LAMP3: variants seen among roughly 807,000 people sequenced by gnomAD.
LAMP3 encodes the protein lysosome-associated membrane glycoprotein 3.
Under a neutral mutation model 34.8 loss-of-function variants are expected in LAMP3, and 26 were observed. The observed-to-expected ratio is 0.75, with a 90% CI of 0.55 to 1.04. The LOEUF is 1.04. Ranked by LOEUF, LAMP3 falls within the 50% of genes least tolerant of loss-of-function variation. LAMP3 has a pLI of 0.00. For synonymous variants in LAMP3, 180 were observed against 201.9 expected (o/e 0.89, Z 0.92); for missense variants, 495 against 524.0 (o/e 0.94, Z 0.54).
intron 5 of LAMP3, among the ~76,000 whole-genome samples, chr3:183,135,288 C>T (rs1055901033): frequency 1.3e-5 from 2 of 152,216 alleles, no homozygotes; most frequent in African/African-American, 4.8e-5. Context: ...TGAATTGCTG[C>T]ATCTTGCTCT....
Position 183,153,885 on chromosome 3 carries a change from C to T in LAMP3, c.556G>A (p.Val186Ile), listed in dbSNP as rs1720738492. The change falls in exon 2 of 6, where the codon GTT (valine) becomes ATT (isoleucine). Residue 186 changes from valine (V) to isoleucine (I), a missense_variant. Transcript: ENST00000265598. ...LHKSTTGQKP[V>I]QPTHAPGTTA... Reference sequence around the variant, plus strand: ...GTTCCTGGGGCATGGGTGGGTTGAACAGGCTTCTGACCGGTTGTGCTTTTG... The same window carrying T: ...GTTCCTGGGGCATGGGTGGGTTGAATAGGCTTCTGACCGGTTGTGCTTTTG... The T allele has an allele frequency of 6.2e-7, 1 of 1,613,936 alleles. No homozygotes were observed. The highest frequency in any genetic ancestry group is 8.5e-7 in the Non-Finnish European group (1 of 1,179,910).
chr3:183,143,066 T>A (rs1720334720), intron 3 of LAMP3, among the ~76,000 whole-genome samples: 1 of 152,180 alleles, frequency 6.6e-6, no homozygotes, highest in African/African-American at 2.4e-5. Context: ...CTTTCCATTT[T>A]GACTGAGTCA....
intron 3 of LAMP3, among the ~76,000 whole-genome samples, chr3:183,150,710 C>T (rs2108609573): frequency 6.6e-6 from 1 of 152,026 alleles, no homozygotes; most frequent in East Asian, 1.9e-4. Context: ...GCATGTGCTA[C>T]CATGCCCAGC....
chr3:183,134,280 T>C lies in LAMP3; in HGVS notation c.1117+1437A>G, dbSNP rs574605355. ...AGAGGAGTTAAGGAGAACTCTGAAGTCTGTTGTTTGGAAAACTATCCAGTT... is the reference window on the plus strand; with the variant it reads ...AGAGGAGTTAAGGAGAACTCTGAAGCCTGTTGTTTGGAAAACTATCCAGTT... On this transcript the variant is annotated intron_variant, in intron 5 of 5. Coordinates refer to ENST00000265598, the MANE Select transcript of LAMP3 (RefSeq NM_014398.4). Among the ~76,000 whole-genome samples the C allele has an allele frequency of 1.3e-5, 2 of 151,270 alleles. 1 individual carries two copies. The highest frequency in any genetic ancestry group is 1.3e-4 in the Admixed American group (2 of 15,098).
intron 5 of LAMP3, among the ~76,000 whole-genome samples, chr3:183,128,992 T>C (rs1171807621): frequency 6.6e-6 from 1 of 152,198 alleles, no homozygotes; most frequent in Non-Finnish European, 1.5e-5. Context: ...TTTAAGAATA[T>C]CTGCCTGGCG....
chr3:183,153,378 G>T (rs6414497), intron 2 of LAMP3, among the ~76,000 whole-genome samples: 134,800 of 151,998 alleles, frequency 0.89, 59,814 homozygotes, highest in Middle Eastern at 0.92. Context: ...TCTGGAGTGG[G>T]AGGGAGGGGC....
chr3:183,131,484 T>TG (rs1719918658), intron 5 of LAMP3, among the ~76,000 whole-genome samples: 1 of 152,202 alleles, frequency 6.6e-6, no homozygotes, highest in Non-Finnish European at 1.5e-5. Context: ...CGAGTCTCTT[T>TG]GGGGAACTCC....
chr3:183,148,611 C>T (rs151331999), intron 3 of LAMP3, among the ~76,000 whole-genome samples: 5 of 152,286 alleles, frequency 3.3e-5, no homozygotes, highest in Admixed American at 1.3e-4. Context: ...CACCACTGAT[C>T]ATAAGAGAAA....
chr3:183,146,522 A>ATTTT (rs1192142107), intron 3 of LAMP3, among the ~76,000 whole-genome samples: 13 of 130,094 alleles, frequency 1.0e-4, no homozygotes, highest in Non-Finnish European at 1.3e-4. Context: ...TGGTGCTCAA[A>ATTTT]TTTTTTTTTT....
At chr3:183,134,814 C>T (rs907316675) in intron 5 of LAMP3, among the ~76,000 whole-genome samples, 1 of 152,222 alleles carries the variant, frequency 6.6e-6, no homozygotes, top group Non-Finnish European at 1.5e-5. Flanking sequence ...TACGGCTAAA[C>T]TTCTAGCTAA....
intron 5 of LAMP3, among the ~76,000 whole-genome samples, chr3:183,134,499 T>A (rs1720024333): frequency 1.3e-5 from 2 of 152,172 alleles, no homozygotes; most frequent in African/African-American, 4.8e-5. Flanking sequence ...TTTTTTAAGA[T>A]CACACGATTA....
chr3:183,152,854 A>G (rs1459684810), intron 2 of LAMP3, among the ~76,000 whole-genome samples: 1 of 152,196 alleles, frequency 6.6e-6, no homozygotes, highest in East Asian at 1.9e-4. Context: ...TGGAAGTTTT[A>G]TTTGAAATCA....
intron 4 of LAMP3, among the ~76,000 whole-genome samples, chr3:183,139,387 C>CAA (rs35474952): frequency 3.2e-4 from 26 of 81,216 alleles, no homozygotes; most frequent in African/African-American, 1.0e-3. Flanking sequence ...GAGACTGTCT[C>CAA]AAAAAAAAAA....
intron 5 of LAMP3, among the ~76,000 whole-genome samples, chr3:183,134,426 C>T (rs79447920): frequency 0.014 from 2,204 of 152,274 alleles, 26 homozygotes; most frequent in Non-Finnish European, 0.024. Flanking sequence ...AAGAAGTTTC[C>T]CAGACCTGAT....
intron 3 of LAMP3, among the ~76,000 whole-genome samples, chr3:183,147,117 C>T (rs1355717066): frequency 6.6e-6 from 1 of 152,016 alleles, no homozygotes; most frequent in Non-Finnish European, 1.5e-5. Flanking sequence ...GTGGCATGCA[C>T]CTGTAGTCCC....
chr3:183,136,326 C>T (rs761117667), intron 4 of LAMP3, among the ~76,000 whole-genome samples: 15 of 152,118 alleles, frequency 9.9e-5, no homozygotes, highest in Non-Finnish European at 2.1e-4. Flanking sequence ...ATGCTTATCA[C>T]CAGGCTGAAT....
chr3:183,140,484 A>T, intron 4 of LAMP3, 54 bp downstream of exon 4: 1 of 1,023,044 alleles, frequency 9.8e-7, no homozygotes, highest in Non-Finnish European at 1.5e-6. Flanking sequence ...AAGGTGAGCT[A>T]ACCAACAGAA....
In LAMP3 at chr3:183,132,290, A is replaced by T. The variant is rs1388968850; in HGVS notation, c.1117+3427T>A. Reference sequence around the variant, plus strand: ...ACAATAGAGTAGGATATGTTTTTTTAAAATAATAGCATATTAAGATCATCT... The same window carrying T: ...ACAATAGAGTAGGATATGTTTTTTTTAAATAATAGCATATTAAGATCATCT... On this transcript the variant is annotated intron_variant, in intron 5 of 5. Coordinates refer to ENST00000265598, the MANE Select transcript of LAMP3 (RefSeq NM_014398.4). The T allele has an allele frequency of 1.7e-5, 16 of 925,744 alleles. No individual in the cohort carries two copies. The East Asian group carries it at 9.4e-4, about 54-fold the overall frequency. The allele number at this position is 925,744 out of a possible 1,614,324, so 57.3% of individuals were successfully genotyped here.
At chr3:183,132,692 G>C (rs1252036263) in intron 5 of LAMP3, 1 of 985,294 alleles carries the variant, frequency 1.0e-6, no homozygotes, top group Admixed American at 6.2e-5. Context: ...TGGAAAGTTA[G>C]GTTTCCTAAT....
Sources: gnomAD v4.1 joint callset for allele counts (sites outside exome capture counted in the v4.1 genomes callset) on GRCh38, gnomAD v4.1.1 for gene constraint, MANE v1.5 for transcripts, NCBI Gene and HGNC (gene_info 2026-07-23, HGNC 2026-07-21) for gene names.